The following TENM3 variants were observed in gnomAD, a reference collection of about 807,000 sequenced individuals.
The protein encoded by TENM3 is teneurin-3.
In TENM3, 63 loss-of-function variants were observed where a neutral mutation model predicts 255.1. The observed-to-expected ratio is 0.25, with a 90% CI of 0.20 to 0.30. The LOEUF is 0.30. TENM3 is among the 10% of genes least tolerant of loss of function. The pLI is 1.00. For missense variants in TENM3, 2,929 were observed against 3,461.1 expected (o/e 0.85, Z 3.86); for synonymous variants, 1,306 against 1,322.3 (o/e 0.99, Z 0.27).
At chr4:181,865,416 G>A in the TENM3 span, among the ~76,000 whole-genome samples, 3 of 152,104 alleles carry the variant, frequency 2.0e-5, no homozygotes, top group Non-Finnish European at 4.4e-5. Flanking sequence ...GGGGACAAAG[G>A]GACAGAAGAC....
At chr4:182,373,669 G>T (rs1013156213) in intron 3 of TENM3, among the ~76,000 whole-genome samples, 1 of 152,030 alleles carries the variant, frequency 6.6e-6, no homozygotes, top group Non-Finnish European at 1.5e-5. Flanking sequence ...TCCAACATTG[G>T]GTGTCATATT....
the TENM3 span, among the ~76,000 whole-genome samples, chr4:182,054,245 A>G: frequency 6.6e-6 from 1 of 152,054 alleles, no homozygotes; most frequent in Non-Finnish European, 1.5e-5. Flanking sequence ...CCATCTCCGT[A>G]TAACCCAGTC....
At chr4:181,641,701 A>AT in the TENM3 span, among the ~76,000 whole-genome samples, 833 of 98,498 alleles carry the variant, frequency 8.5e-3, 20 homozygotes, top group African/African-American at 0.033. Flanking sequence ...AATGTATAAT[A>AT]TATATATTAT....
At chr4:181,941,311 G>GTTTTT in the TENM3 span, among the ~76,000 whole-genome samples, 15 of 119,628 alleles carry the variant, frequency 1.3e-4, no homozygotes, top group African/African-American at 4.1e-4. Context: ...TTTGTTTGAT[G>GTTTTT]TTTTTTTTTT....
the TENM3 span, among the ~76,000 whole-genome samples, chr4:181,629,084 T>C: frequency 1.1e-4 from 17 of 152,172 alleles, no homozygotes; most frequent in Non-Finnish European, 5.9e-5. Flanking sequence ...GGTATTTTAT[T>C]CTCTTTGAAG....
At chr4:182,791,072 A>G (rs1766068873) in intron 25 of TENM3, among the ~76,000 whole-genome samples, 2 of 152,262 alleles carry the variant, frequency 1.3e-5, no homozygotes, top group Non-Finnish European at 2.9e-5. Flanking sequence ...TATTTTACAG[A>G]CCACCATCAA....
intron 3 of TENM3, among the ~76,000 whole-genome samples, chr4:182,359,892 A>G (rs1321486362): frequency 6.7e-6 from 1 of 149,116 alleles, no homozygotes; most frequent in Non-Finnish European, 1.5e-5. Context: ...ACTGCTTTGA[A>G]TGCGTCCCAG....
intron 3 of TENM3, among the ~76,000 whole-genome samples, chr4:182,495,650 C>A (rs991137143): frequency 2.6e-5 from 4 of 152,156 alleles, no homozygotes; most frequent in Non-Finnish European, 5.9e-5. Context: ...GATTTCCCCC[C>A]GTAGTGCTGC....
At chr4:182,582,186 A>G (rs546151433) in intron 3 of TENM3, among the ~76,000 whole-genome samples, 1 of 152,232 alleles carries the variant, frequency 6.6e-6, no homozygotes, top group Non-Finnish European at 1.5e-5. Context: ...TAAAGCAAGC[A>G]TTCTTCCATT....
chr4:182,011,595 A>G, the TENM3 span, among the ~76,000 whole-genome samples: 1 of 152,218 alleles, frequency 6.6e-6, no homozygotes, highest in Non-Finnish European at 1.5e-5. Context: ...AGCATACAAT[A>G]GTCTGTAGAA....
chr4:181,463,033 T>C, the TENM3 span, among the ~76,000 whole-genome samples: 94,676 of 152,018 alleles, frequency 0.62, 30,197 homozygotes, highest in African/African-American at 0.73. Context: ...TAGCTCATCT[T>C]GGTATTCAAG....
chr4:182,535,546 G>A (rs1010283245), intron 3 of TENM3, among the ~76,000 whole-genome samples: 2 of 152,010 alleles, frequency 1.3e-5, no homozygotes, highest in African/African-American at 4.8e-5. Flanking sequence ...ACCATCCTGG[G>A]CAACATAGTG....
At chr4:181,623,789 G>A in the TENM3 span, among the ~76,000 whole-genome samples, 2 of 152,184 alleles carry the variant, frequency 1.3e-5, no homozygotes, top group Non-Finnish European at 2.9e-5. Context: ...TGATGGCTCT[G>A]AGCTATAGAA....
At chr4:182,250,439 A>G (rs1399784510) in intron 1 of TENM3, among the ~76,000 whole-genome samples, 5 of 152,180 alleles carry the variant, frequency 3.3e-5, no homozygotes, top group Admixed American at 1.3e-4. Flanking sequence ...AGGAAATGGA[A>G]TAGAAAGAGA....
chr4:182,668,098 C>A (rs1446001600), intron 6 of TENM3, among the ~76,000 whole-genome samples: 2 of 151,512 alleles, frequency 1.3e-5, no homozygotes, highest in East Asian at 1.9e-4. Context: ...TCCTAAATAC[C>A]CCATTGTTAA....
the TENM3 span, among the ~76,000 whole-genome samples, chr4:182,009,079 G>A: frequency 9.2e-5 from 14 of 152,236 alleles, no homozygotes; most frequent in Non-Finnish European, 1.6e-4. Flanking sequence ...CACTCAAGGA[G>A]GCTGGAGAGT....
the TENM3 span, among the ~76,000 whole-genome samples, chr4:181,512,352 G>T: frequency 6.6e-6 from 1 of 152,162 alleles, no homozygotes; most frequent in East Asian, 1.9e-4. Flanking sequence ...AAAGCATAGT[G>T]CAGCAGCTTG....
chr4:182,242,327 C>G (rs1561233559), upstream of TENM3, among the ~76,000 whole-genome samples: 1 of 151,656 alleles, frequency 6.6e-6, no homozygotes, highest in Non-Finnish European at 1.5e-5. Flanking sequence ...TTTTTCCTTG[C>G]AATAGTTTGC....
At chr4:181,584,978 G>A in the TENM3 span, among the ~76,000 whole-genome samples, 7 of 137,294 alleles carry the variant, frequency 5.1e-5, no homozygotes, top group South Asian at 6.9e-4. Flanking sequence ...TTGAGGAAGC[G>A]ATGCAACATA....
Sources: gnomAD v4.1 joint callset for allele counts (sites outside exome capture counted in the v4.1 genomes callset) on GRCh38, gnomAD v4.1.1 for gene constraint, MANE v1.5 for transcripts, NCBI Gene and HGNC (gene_info 2026-07-23, HGNC 2026-07-21) for gene names.